The following ATF1 variants were observed in gnomAD, a reference collection of about 807,000 sequenced individuals.
ATF1 encodes cyclic AMP-dependent transcription factor ATF-1.
ATF1 carries 16 observed loss-of-function variants against 34.7 expected under a neutral mutation model. The ratio of observed to expected loss-of-function variants is 0.46; its 90% CI spans 0.31 to 0.70. ATF1 has a LOEUF of 0.70. Ranked by LOEUF, ATF1 falls within the 30% of genes least tolerant of loss-of-function variation. The pLI, the probability that ATF1 is intolerant of heterozygous loss-of-function variation, is 0.05. For missense variants in ATF1, 255 were observed against 321.6 expected (o/e 0.79, Z 1.58); for synonymous variants, 105 against 113.1 (o/e 0.93, Z 0.46).
intron 2 of ATF1, among the ~76,000 whole-genome samples, chr12:50,793,354 G>T (rs566281747): frequency 6.6e-6 from 1 of 152,044 alleles, no homozygotes; most frequent in Non-Finnish European, 1.5e-5. Flanking sequence ...GGCCAGGTGC[G>T]GTGGCTCATA....
intron 3 of ATF1, among the ~76,000 whole-genome samples, chr12:50,798,028 A>C (rs575314581): frequency 8.2e-4 from 124 of 151,618 alleles, no homozygotes; most frequent in Middle Eastern, 3.4e-3. Context: ...AAATAAAAAA[A>C]TTAGGTAGGC....
At chr12:50,808,826 G>A (rs528662568) in intron 3 of ATF1, among the ~76,000 whole-genome samples, 24 of 150,648 alleles carry the variant, frequency 1.6e-4, no homozygotes, top group Non-Finnish European at 3.0e-4. Flanking sequence ...TGCAACCTCC[G>A]CCTCCGGAAT....
chr12:50,770,869 A>G (rs1345312569), intron 1 of ATF1, among the ~76,000 whole-genome samples: 3 of 152,246 alleles, frequency 2.0e-5, no homozygotes, highest in African/African-American at 7.2e-5. Flanking sequence ...AATCTGGATC[A>G]GTATTCTGAT....
intron 3 of ATF1, among the ~76,000 whole-genome samples, chr12:50,803,504 A>C (rs551201087): frequency 6.6e-6 from 1 of 152,264 alleles, no homozygotes; most frequent in East Asian, 1.9e-4. Flanking sequence ...AATGTAAAAA[A>C]AAAAAAAAAT....
intron 6 of ATF1, among the ~76,000 whole-genome samples, chr12:50,816,600 A>G (rs1166105800): frequency 2.0e-5 from 3 of 151,886 alleles, no homozygotes; most frequent in Non-Finnish European, 4.4e-5. Flanking sequence ...TTTAATGGAA[A>G]AAACCATACA....
intron 6 of ATF1, among the ~76,000 whole-genome samples, chr12:50,815,549 C>T (rs1277623763): frequency 7.0e-6 from 1 of 142,478 alleles, no homozygotes; most frequent in African/African-American, 2.5e-5. Context: ...CCACACCCAG[C>T]TAATTTTTTT....
intron 4 of ATF1, among the ~76,000 whole-genome samples, chr12:50,812,212 A>G (rs1316082832): frequency 6.6e-6 from 1 of 152,244 alleles, no homozygotes; most frequent in Non-Finnish European, 1.5e-5. Flanking sequence ...GTATTCACAC[A>G]TATTTAATAT....
intron 4 of ATF1, among the ~76,000 whole-genome samples, chr12:50,812,161 CAT>C (rs1034803490): frequency 1.1e-5 from 1 of 90,278 alleles, no homozygotes; most frequent in Admixed American, 1.0e-4. Context: ...GGTAAATACA[CAT>C]GTTAAGAACA....
At chr12:50,773,444 C>A in intron 1 of ATF1, among the ~76,000 whole-genome samples, 1 of 89,588 alleles carries the variant, frequency 1.1e-5, no homozygotes, top group South Asian at 4.2e-4. Context: ...AATTGCCATT[C>A]TTTTTTTTTT....
intron 6 of ATF1, among the ~76,000 whole-genome samples, chr12:50,818,394 G>A (rs986859166): frequency 6.6e-6 from 1 of 152,122 alleles, no homozygotes; most frequent in South Asian, 2.1e-4. Flanking sequence ...GGTTGACAGA[G>A]TGAGACCCTG....
intron 1 of ATF1, among the ~76,000 whole-genome samples, chr12:50,769,063 A>G (rs1940708890): frequency 6.6e-6 from 1 of 152,236 alleles, no homozygotes; most frequent in Admixed American, 6.5e-5. Context: ...AAAAGTCGCT[A>G]AAAGTTAAAA....
chr12:50,767,467 C>T (rs997335134), intron 1 of ATF1, among the ~76,000 whole-genome samples: 14 of 152,194 alleles, frequency 9.2e-5, no homozygotes, highest in African/African-American at 3.1e-4. Flanking sequence ...TTGCAGTGAG[C>T]CGAGATCGTG....
In ATF1 at chr12:50,820,586, C is replaced by T. The variant is rs1941931267; in HGVS notation, c.*807C>T. ...AGTTGAATATCCATTACTTATTCTGCTGTGCTTTAATAGAATGGAATGTTT... is the reference window on the plus strand; with the variant it reads ...AGTTGAATATCCATTACTTATTCTGTTGTGCTTTAATAGAATGGAATGTTT... On this transcript the variant is annotated 3_prime_UTR_variant, in exon 7 of 7. Coordinates refer to ENST00000262053, the MANE Select transcript of ATF1 (RefSeq NM_005171.5). 5.6e-6 allele frequency: 1 copy of T among 178,568 alleles called. No individual in the cohort carries two copies. Among genetic ancestry groups the T allele is most frequent in the Non-Finnish European group, 1.2e-5 (1 of 82,882 alleles). 11.1% of individuals were successfully genotyped at this position (178,568 alleles called of 1,614,324 possible).
intron 6 of ATF1, among the ~76,000 whole-genome samples, chr12:50,818,604 G>GTTTC (rs751108372): frequency 1.3e-5 from 2 of 151,972 alleles, no homozygotes; most frequent in Non-Finnish European, 1.5e-5. Context: ...AAATAGTACT[G>GTTTC]TTTCTTTCTT....
rs140724585 is a variant in ATF1, at chr12:50,772,159, G to A, written c.-7+7852G>A. 1.1e-3 allele frequency among the ~76,000 whole-genome samples: 174 copies of A among 152,130 alleles called. 1 individual carries two copies. The highest frequency in any genetic ancestry group is 3.7e-3 in the African/African-American group (152 of 41,506). On this transcript the variant is annotated intron_variant, in intron 1 of 6. Transcript: ENST00000262053. The stretch of plus-strand genomic sequence containing the variant: ...TGGGACCCTGTCCTGTAACAATAGC[G>A]TCTCACTGTGTTGCTCAGATTGGTC...
At chr12:50,797,949 G>A (rs1043704729) in intron 3 of ATF1, among the ~76,000 whole-genome samples, 4 of 151,872 alleles carry the variant, frequency 2.6e-5, no homozygotes, top group African/African-American at 9.7e-5. Context: ...AGGCCGAGGC[G>A]GGTGGATCAC....
intron 2 of ATF1, among the ~76,000 whole-genome samples, chr12:50,790,220 G>A (rs1384017854): frequency 1.9e-5 from 2 of 105,928 alleles, no homozygotes; most frequent in Non-Finnish European, 1.9e-5. Flanking sequence ...TTTTTTTTGA[G>A]ACAGTTATTA....
intron 1 of ATF1, among the ~76,000 whole-genome samples, chr12:50,777,970 T>C (rs1940966824): frequency 6.8e-6 from 1 of 148,136 alleles, no homozygotes; most frequent in Admixed American, 6.8e-5. Flanking sequence ...AAGGCTGAAG[T>C]GCGGTAGTGT....
intron 3 of ATF1, among the ~76,000 whole-genome samples, chr12:50,799,514 C>G (rs570818570): frequency 1.3e-5 from 2 of 152,130 alleles, no homozygotes; most frequent in South Asian, 4.1e-4. Flanking sequence ...TCTCAACTTG[C>G]ACGGGAAAAG....
Sources: gnomAD v4.1 joint callset for allele counts (sites outside exome capture counted in the v4.1 genomes callset) on GRCh38, gnomAD v4.1.1 for gene constraint, MANE v1.5 for transcripts, NCBI Gene and HGNC (gene_info 2026-07-23, HGNC 2026-07-21) for gene names.